TP63: variants seen among roughly 807,000 people sequenced by gnomAD.
TP63 encodes the protein tumor protein 63.
In TP63, 17 loss-of-function variants were observed where a neutral mutation model predicts 82.8. The observed-to-expected ratio is 0.21, with a 90% CI of 0.14 to 0.31. TP63 has a LOEUF of 0.31. Ranked by LOEUF, TP63 falls within the 10% of genes least tolerant of loss-of-function variation. The pLI is 1.00. For synonymous variants in TP63, 330 were observed against 321.7 expected, an observed-to-expected ratio of 1.03 and a Z score of -0.28; for missense variants, 648 against 895.3, an observed-to-expected ratio of 0.72 and a Z score of 3.52.
At chr3:189,812,043 C>T (rs1032226723) in intron 4 of TP63, among the ~76,000 whole-genome samples, 4 of 152,210 alleles carry the variant, frequency 2.6e-5, no homozygotes, top group Non-Finnish European at 5.9e-5. Context: ...GAAACAGAAG[C>T]TGCTGTCATT....
At chr3:189,842,429 G>T (rs1269311780) in intron 4 of TP63, among the ~76,000 whole-genome samples, 1 of 152,108 alleles carries the variant, frequency 6.6e-6, no homozygotes, top group African/African-American at 2.4e-5. Context: ...ATTTTCTCTG[G>T]GTCTCTCATT....
chr3:189,701,190 A>C (rs1717774290), intron 1 of TP63, among the ~76,000 whole-genome samples: 1 of 152,076 alleles, frequency 6.6e-6, no homozygotes, highest in Non-Finnish European at 1.5e-5. Flanking sequence ...CCAGTCTCAG[A>C]TATGTCTTTA....
chr3:189,886,974 C>T (rs927343248), intron 11 of TP63, among the ~76,000 whole-genome samples: 8 of 151,896 alleles, frequency 5.3e-5, no homozygotes, highest in African/African-American at 1.2e-4. Context: ...TTTGGGAGGC[C>T]GAGGCGGGAG....
At chr3:189,678,825 C>T (rs1715667189) in intron 1 of TP63, among the ~76,000 whole-genome samples, 1 of 151,944 alleles carries the variant, frequency 6.6e-6, no homozygotes, top group East Asian at 1.9e-4. Flanking sequence ...CTTTCACCTC[C>T]TTGGTTAAAT....
chr3:189,629,033 T>C (rs1347627913), upstream of TP63, among the ~76,000 whole-genome samples: 2 of 152,272 alleles, frequency 1.3e-5, no homozygotes, highest in Admixed American at 6.6e-5. Flanking sequence ...AATCATGACA[T>C]ACGTTTAAAT....
At chr3:189,876,356 G>A (rs982785077) in intron 10 of TP63, among the ~76,000 whole-genome samples, 2 of 152,092 alleles carry the variant, frequency 1.3e-5, no homozygotes, top group African/African-American at 4.8e-5. Context: ...TTGCTCTAAA[G>A]GGAATTTTTT....
At chr3:189,831,175 A>G (rs548152962) in intron 4 of TP63, among the ~76,000 whole-genome samples, 1 of 152,328 alleles carries the variant, frequency 6.6e-6, no homozygotes, top group Non-Finnish European at 1.5e-5. Flanking sequence ...ACTATCTGTG[A>G]CAACAACAAA....
In TP63 at chr3:189,798,244, G is replaced by A. The variant is rs148046658; in HGVS notation, c.325-10028G>A. Among the ~76,000 whole-genome samples, 47 of 152,090 alleles carry A rather than the reference G, an allele frequency of 3.1e-4. No individual in the cohort carries two copies. The East Asian group carries it at 8.1e-3, about 26-fold the overall frequency. On this transcript the variant is annotated intron_variant, in intron 3 of 13. Coordinates refer to ENST00000264731, the MANE Select transcript of TP63 (RefSeq NM_003722.5). Reference sequence around the variant, plus strand: ...TGCACAAAAATAAATAAAGCGAGCCGACATATTATACAAGCCTCTTCTATC... The same window carrying A: ...TGCACAAAAATAAATAAAGCGAGCCAACATATTATACAAGCCTCTTCTATC...
Position 189,864,334 on chromosome 3 carries a change from A to G in TP63, c.682A>G (p.Met228Val), listed in dbSNP as rs1717422194. 1 of 1,614,166 alleles carries G rather than the reference A, an allele frequency of 6.2e-7. No individual in the cohort carries two copies. Among genetic ancestry groups the G allele is most frequent in the Non-Finnish European group, 8.5e-7 (1 of 1,180,028 alleles). Residue 228 changes from methionine (M) to valine (V), a missense_variant, in exon 5 of 14, where the codon ATG becomes GTG. This residue lies in a region of TP63 where 64 missense variants were observed against 144.2 expected (regional missense o/e 0.44). Transcript: ENST00000264731. ...PPPQGAVIRAMPVYKKAEHVT... is the reference protein window; with the variant it reads ...PPPQGAVIRAVPVYKKAEHVT... ...TCCTCAGGGAGCTGTTATCCGCGCC[A>G]TGCCTGTCTACAAAAAAGCTGAGCA...
At chr3:189,773,036 A>C (rs1723494244) in intron 3 of TP63, among the ~76,000 whole-genome samples, 1 of 152,196 alleles carries the variant, frequency 6.6e-6, no homozygotes, top group Non-Finnish European at 1.5e-5. Flanking sequence ...TAAATCAGCG[A>C]AAATGTTTCC....
chr3:189,780,919 T>C (rs951334456), intron 3 of TP63, among the ~76,000 whole-genome samples: 2 of 152,226 alleles, frequency 1.3e-5, no homozygotes, highest in Non-Finnish European at 2.9e-5. Context: ...CTTCTTAAAA[T>C]GCAATTTTTC....
At chr3:189,631,183 C>T, upstream of TP63, 1 of 812,330 alleles carries the variant, frequency 1.2e-6, no homozygotes, top group Non-Finnish European at 1.4e-6. Context: ...CCTCCAGCTC[C>T]AAATTGCCAA....
At chr3:189,692,968 A>C (rs73195984) in intron 1 of TP63, among the ~76,000 whole-genome samples, 45,981 of 152,028 alleles carry the variant, frequency 0.3, 7,881 homozygotes, top group Non-Finnish European at 0.39. Flanking sequence ...TAAATGGACG[A>C]GTATTATGAA....
the TP63 span, among the ~76,000 whole-genome samples, chr3:189,609,297 T>C: frequency 2.6e-5 from 4 of 152,180 alleles, no homozygotes; most frequent in East Asian, 5.8e-4. Flanking sequence ...AAAACGGTAA[T>C]ATTCAATGTG....
intron 4 of TP63, among the ~76,000 whole-genome samples, chr3:189,843,025 A>G (rs1238393764): frequency 1.3e-5 from 2 of 152,200 alleles, no homozygotes; most frequent in Non-Finnish European, 2.9e-5. Flanking sequence ...AAATCTTTTT[A>G]GACTGGGTTT....
intron 12 of TP63, among the ~76,000 whole-genome samples, 181 bp from the exon 13 acceptor site, chr3:189,890,608 T>C (rs986438029): frequency 1.3e-5 from 2 of 152,172 alleles, no homozygotes; most frequent in African/African-American, 2.4e-5. Context: ...GACCTAAACT[T>C]CATGTCACCA....
intron 3 of TP63, among the ~76,000 whole-genome samples, chr3:189,746,051 A>G (rs78477878): frequency 0.03 from 4,634 of 152,216 alleles, 187 homozygotes; most frequent in East Asian, 0.15. Flanking sequence ...ATATATCCAG[A>G]TATGAGTTTC....
At chr3:189,808,608 C>G in intron 4 of TP63, 82 bp downstream of exon 4, 1 of 1,601,878 alleles carries the variant, frequency 6.2e-7, no homozygotes, top group Non-Finnish European at 8.5e-7. Context: ...TCTCCCCCTT[C>G]CCAGTTTAGC....
intron 1 of TP63, among the ~76,000 whole-genome samples, chr3:189,700,907 T>C (rs147358355): frequency 6.6e-6 from 1 of 152,298 alleles, no homozygotes; most frequent in East Asian, 1.9e-4. Context: ...GTATGGATCA[T>C]ATTAATATCA....
Sources: allele counts gnomAD v4.1 joint callset (sites outside exome capture counted in the v4.1 genomes callset), GRCh38; gene constraint gnomAD v4.1.1; regional missense constraint gnomAD v4.1.1; transcripts MANE v1.5; gene names NCBI Gene and HGNC (gene_info 2026-07-23, HGNC 2026-07-21).